MIB1: variants seen among roughly 807,000 people sequenced by gnomAD.
MIB1 encodes the protein E3 ubiquitin-protein ligase MIB1.
A neutral mutation model predicts 124.5 loss-of-function variants in MIB1; 278 were observed. The ratio of observed to expected loss-of-function variants is 2.23; its 90% CI spans 2.02 to 2.47. The LOEUF (loss-of-function observed/expected upper bound fraction) is 2.47. MIB1 is among the 30% of genes most tolerant of loss of function. MIB1 has a pLI of 0.00. For synonymous variants in MIB1, 446 were observed against 429.4 expected (o/e 1.04, Z -0.48); for missense variants, 957 against 1,254.4 (o/e 0.76, Z 3.58).
intron 20 of MIB1, among the ~76,000 whole-genome samples, chr18:21,863,201 G>GA (rs1191756825): frequency 6.6e-6 from 1 of 152,202 alleles, no homozygotes; most frequent in East Asian, 1.9e-4. Flanking sequence ...CAAAGCCCCT[G>GA]AGGGCATGTT....
intron 1 of MIB1, among the ~76,000 whole-genome samples, chr18:21,749,822 A>G (rs753461651): frequency 2.0e-5 from 3 of 151,694 alleles, no homozygotes; most frequent in Non-Finnish European, 4.4e-5. Flanking sequence ...TTGTATTTTC[A>G]GTAGAGACCG....
At chr18:21,818,207 C>T (rs1422045138) in intron 11 of MIB1, among the ~76,000 whole-genome samples, 1 of 152,152 alleles carries the variant, frequency 6.6e-6, no homozygotes, top group Non-Finnish European at 1.5e-5. Context: ...ACTCATGCCT[C>T]ACTCTCACCT....
At chr18:21,725,042 C>T (rs2040735093) in intron 1 of MIB1, among the ~76,000 whole-genome samples, 1 of 139,022 alleles carries the variant, frequency 7.2e-6, no homozygotes, top group African/African-American at 2.7e-5. Context: ...TTGCAGTGAG[C>T]TGAGATTGTG....
intron 1 of MIB1, among the ~76,000 whole-genome samples, chr18:21,706,684 C>T (rs1010255571): frequency 8.5e-5 from 13 of 152,136 alleles, no homozygotes; most frequent in East Asian, 5.8e-4. Context: ...GAGGGTGCCC[C>T]GGGTCCACCA....
intron 11 of MIB1, among the ~76,000 whole-genome samples, chr18:21,818,070 T>C (rs976987117): frequency 6.6e-6 from 1 of 152,236 alleles, no homozygotes; most frequent in African/African-American, 2.4e-5. Context: ...CTGAGATTGC[T>C]AAATTTTAAT....
In MIB1 at chr18:21,867,566, T is replaced by A. The variant is rs1486505435; in HGVS notation, c.*2900T>A. On this transcript the variant is annotated 3_prime_UTR_variant, in exon 21 of 21. Coordinates refer to ENST00000261537, the MANE Select transcript of MIB1 (RefSeq NM_020774.4). The stretch of plus-strand genomic sequence containing the variant: ...TTAGACAAATGTTTAGTTGGTCAAA[T>A]TATGCATAAGATATTTGTAACTTTA... The A allele has an allele frequency of 2.0e-5, 3 of 152,622 alleles. No individual in the cohort carries two copies. Among genetic ancestry groups the A allele is most frequent in the African/African-American group, 7.2e-5 (3 of 41,468 alleles). 9.5% of individuals were successfully genotyped at this position (152,622 alleles called of 1,614,324 possible).
Position 21,819,658 on chromosome 18 carries a change from C to G in MIB1, c.1829+12C>G, listed in dbSNP as rs183201760. 20 of 1,488,694 alleles carry G rather than the reference C, an allele frequency of 1.3e-5. No individual in the cohort carries two copies. The East Asian group carries it at 4.7e-4, about 35-fold the overall frequency. The allele number at this position is 1,488,694 out of a possible 1,614,324, so 92.2% of individuals were successfully genotyped here. A position where few individuals can be genotyped will look rare whatever the true frequency, so the allele number is the denominator to read the frequency against. On this transcript the variant is annotated intron_variant, in intron 12 of 20. Transcript: ENST00000261537. ...AGGGGAAATCCCAGGTATGTCACCC[C>G]TTACTATTTTAGGTGCAATTCAAAA...
chr18:21,816,498 T>C (rs1333689121), intron 11 of MIB1, among the ~76,000 whole-genome samples: 1 of 152,236 alleles, frequency 6.6e-6, no homozygotes, highest in African/African-American at 2.4e-5. Context: ...AACTTTTAGG[T>C]TCCTTAACCG....
chr18:21,765,850 G>C lies in MIB1; in HGVS notation c.308G>C (p.Cys103Ser). The C allele has an allele frequency of 6.2e-7, 1 of 1,614,142 alleles. No individual in the cohort carries two copies. The highest frequency in any genetic ancestry group is 8.5e-7 in the Non-Finnish European group (1 of 1,180,006). Residue 103 changes from cysteine to serine, a missense_variant, in exon 2 of 21, where the codon TGT becomes TCT. Physicochemically the swap from Cys to Ser is moderately radical, Grantham distance 112. Coordinates refer to ENST00000261537, the MANE Select transcript of MIB1 (RefSeq NM_020774.4). ...IIGIRWKCAE[C>S]TNYDLCTVCY... ...GGCATTCGATGGAAGTGTGCAGAGTGTACAAATTATGATTTGTGCACAGTG... is the reference window on the plus strand; with the variant it reads ...GGCATTCGATGGAAGTGTGCAGAGTCTACAAATTATGATTTGTGCACAGTG...
intron 6 of MIB1, among the ~76,000 whole-genome samples, chr18:21,780,326 A>AT (rs35274815): frequency 0.051 from 7,724 of 151,952 alleles, 393 homozygotes; most frequent in African/African-American, 0.12. Context: ...CAAACATTAG[A>AT]TTTTTTTCCC....
In MIB1 at chr18:21,799,837, A is replaced by T. The variant is rs781361303; in HGVS notation, c.1238-4A>T. 6.2e-7 allele frequency: 1 copy of T among 1,608,916 alleles called. No individual in the cohort carries two copies. Among genetic ancestry groups the T allele is most frequent in the South Asian group, 1.1e-5 (1 of 90,340 alleles). On this transcript the variant is annotated splice_region_variant and splice_polypyrimidine_tract_variant and intron_variant, in intron 8 of 20. Transcript: ENST00000261537. ...TATTAGCAGCTTTATTTGATGCTTT[A>T]CAGAAAGACTCTCACAACTCCTGAA...
chr18:21,744,007 TTAAC>T (rs1180225026), intron 1 of MIB1, among the ~76,000 whole-genome samples: 28 of 152,018 alleles, frequency 1.8e-4, no homozygotes, highest in Non-Finnish European at 4.4e-5. Context: ...ATTTGGTCTT[TTAAC>T]AAACATTTTA....
intron 12 of MIB1, among the ~76,000 whole-genome samples, chr18:21,821,843 C>T (rs981512401): frequency 1.3e-5 from 2 of 152,016 alleles, no homozygotes; most frequent in Non-Finnish European, 1.5e-5. Flanking sequence ...CCTCGTGATC[C>T]GCCTGTCTCG....
In MIB1 at chr18:21,741,904, G is replaced by A. The variant is rs2040857938; in HGVS notation, c.229+92G>A. 1 of 1,155,154 alleles carries A rather than the reference G, an allele frequency of 8.7e-7. No homozygotes were observed. 71.6% of individuals were successfully genotyped at this position (1,155,154 alleles called of 1,614,324 possible). ...GGTGTCGCGGGGAGAGGTCTGCAGT[G>A]GGACACCTGGTGGGCAGCGCCCGGC... On this transcript the variant is annotated intron_variant, in intron 1 of 20. Coordinates refer to ENST00000261537, the MANE Select transcript of MIB1 (RefSeq NM_020774.4). This position sits in a 1 kb window ranked among gnomAD's most constrained non-coding sequence, Gnocchi z 5.4.
chr18:21,784,906 G>A (rs2041416834), intron 6 of MIB1, among the ~76,000 whole-genome samples: 1 of 152,112 alleles, frequency 6.6e-6, no homozygotes, highest in African/African-American at 2.4e-5. Flanking sequence ...GCAGCCATCC[G>A]GAGGCCTAAA....
chr18:21,819,214 TTTTTTGTAGGGACAAGGTC>T (rs1160967591), intron 11 of MIB1, among the ~76,000 whole-genome samples: 2 of 152,156 alleles, frequency 1.3e-5, no homozygotes, highest in Non-Finnish European at 2.9e-5. Context: ...ATTTTTAAAA[TTTTTTGTAGGGACAAGGTC>T]TCTATATGTT....
At chr18:21,842,116 AAAG>A (rs1555695874) in intron 13 of MIB1, among the ~76,000 whole-genome samples, 6 of 121,196 alleles carry the variant, frequency 5.0e-5, no homozygotes, top group Non-Finnish European at 6.7e-5. Flanking sequence ...AAAAAAAAAA[AAAG>A]AAGAAAAGAA....
At chr18:21,796,015 A>G (rs1395996763) in intron 7 of MIB1, among the ~76,000 whole-genome samples, 1 of 152,198 alleles carries the variant, frequency 6.6e-6, no homozygotes, top group African/African-American at 2.4e-5. Flanking sequence ...TTTGAATGAA[A>G]AGAGTGTTTG....
intron 13 of MIB1, among the ~76,000 whole-genome samples, chr18:21,841,441 C>T (rs1341505661): frequency 6.6e-6 from 1 of 152,086 alleles, no homozygotes; most frequent in Non-Finnish European, 1.5e-5. Context: ...ATCCACTTTA[C>T]TAAAGGAGAT....
Sources: allele counts gnomAD v4.1 joint callset (sites outside exome capture counted in the v4.1 genomes callset), GRCh38; gene constraint gnomAD v4.1.1; non-coding constraint Gnocchi (gnomAD v3.1); transcripts MANE v1.5; gene names NCBI Gene and HGNC (gene_info 2026-07-23, HGNC 2026-07-21).